Variants in EMX1 observed in about 807,000 individuals in gnomAD.
EMX1 encodes the protein homeobox protein EMX1.
A neutral mutation model predicts 20.1 loss-of-function variants in EMX1; 10 were observed. The ratio of observed to expected loss-of-function variants is 0.50; its 90% CI spans 0.31 to 0.84. EMX1 has a LOEUF of 0.84. Ranked by LOEUF, EMX1 falls within the 40% of genes least tolerant of loss-of-function variation. EMX1 has a pLI of 0.05. For missense variants in EMX1, 424 were observed against 431.9 expected (o/e 0.98, Z 0.16); for synonymous variants, 250 against 200.4 (o/e 1.25, Z -2.09).
chr2:72,923,851 T>G (rs1671144145), intron 1 of EMX1: 3 of 249,944 alleles, frequency 1.2e-5, no homozygotes, highest in African/African-American at 2.3e-5. Flanking sequence ...TGGGTCCTCT[T>G]GGAGGGAGAT....
chr2:72,917,078 TCCCGGAGAGC>T (rs1286269353), upstream of EMX1: 2 of 639,858 alleles, frequency 3.1e-6, no homozygotes, highest in South Asian at 3.6e-5. Context: ...AGTGGGAGAG[TCCCGGAGAGC>T]AGGGGGGCAG....
intron 1 of EMX1, among the ~76,000 whole-genome samples, chr2:72,919,271 C>T (rs892457498): frequency 1.3e-5 from 2 of 151,474 alleles, no homozygotes; most frequent in African/African-American, 4.9e-5. Flanking sequence ...TGTTGGAGTT[C>T]GTTTTCTTCC....
intron 1 of EMX1, among the ~76,000 whole-genome samples, chr2:72,920,879 A>G (rs541392152): frequency 2.6e-4 from 39 of 152,180 alleles, no homozygotes; most frequent in Non-Finnish European, 5.1e-4. Flanking sequence ...CGGGTCTAGG[A>G]GCAACGCCTG....
At chr2:72,924,089 T>C (rs1671149138) in intron 1 of EMX1, 1 of 615,332 alleles carries the variant, frequency 1.6e-6, no homozygotes, top group Non-Finnish European at 2.9e-6. Context: ...CCCCGCGGAG[T>C]GGCTCTCGAG....
At chr2:72,933,569 C>G (rs1671317483) in intron 2 of EMX1, 1 of 577,584 alleles carries the variant, frequency 1.7e-6, no homozygotes, top group South Asian at 2.3e-5. Context: ...ACCCTTCTCT[C>G]TGGCCCACTG....
chr2:72,919,212 C>CAT (rs1368502166), intron 1 of EMX1, among the ~76,000 whole-genome samples: 1 of 151,942 alleles, frequency 6.6e-6, no homozygotes, highest in African/African-American at 2.4e-5. Flanking sequence ...CACACACACA[C>CAT]ACACACGTTT....
At chr2:72,922,677 C>G (rs767694811) in intron 1 of EMX1, among the ~76,000 whole-genome samples, 9 of 152,236 alleles carry the variant, frequency 5.9e-5, no homozygotes, top group Non-Finnish European at 1.3e-4. Flanking sequence ...TTTAGGTAAC[C>G]AAAGCCCAGA....
chr2:72,917,857 G>T lies in EMX1; in HGVS notation c.5G>T (p.Cys2Phe). 6.8e-7 allele frequency: 1 copy of T among 1,461,928 alleles called. No individual in the cohort carries two copies. Among genetic ancestry groups the T allele is most frequent in the Non-Finnish European group, 9.0e-7 (1 of 1,113,802 alleles). The allele number at this position is 1,461,928 out of a possible 1,614,324, so 90.6% of individuals were successfully genotyped here. The change falls in exon 1 of 3, where the codon TGC becomes TTC. Residue 2 changes from cysteine (C) to phenylalanine (F), a missense_variant. Transcript: ENST00000258106. ...GAGGGGTGCGGGCGGGTGTGCATGT[G>T]CCTGGCTGGGTGCACACCCCGCAAG... M[C>F]LAGCTPRKAA...
chr2:72,933,320 T>TA (rs1671314176), intron 2 of EMX1: 1 of 154,430 alleles, frequency 6.5e-6, no homozygotes, highest in Admixed American at 6.4e-5. Context: ...TGGTGTCCAC[T>TA]TTAGGCCCTG....
intron 1 of EMX1, among the ~76,000 whole-genome samples, chr2:72,920,975 A>G (rs1205698691): frequency 6.6e-6 from 1 of 152,122 alleles, no homozygotes; most frequent in Non-Finnish European, 1.5e-5. Flanking sequence ...TGGCAGGAGG[A>G]CGGGGAATGA....
chr2:72,929,487 A>G (rs1284486093), intron 2 of EMX1, among the ~76,000 whole-genome samples: 1 of 152,226 alleles, frequency 6.6e-6, no homozygotes, highest in Non-Finnish European at 1.5e-5. Context: ...GAGTGGGAAC[A>G]GCCCACATGA....
At chr2:72,933,162 GTTGGAGT>G in intron 2 of EMX1, 2 of 152,356 alleles carry the variant, frequency 1.3e-5, no homozygotes, top group Non-Finnish European at 2.9e-5. Flanking sequence ...AGTGTGTGAG[GTTGGAGT>G]CTCTAGCAGC....
At position 72,934,180 on chromosome 2, in the gene EMX1, T is replaced by G; in HGVS notation, c.*226T>G. On this transcript the variant is annotated 3_prime_UTR_variant, in exon 3 of 3. Transcript: ENST00000258106. Reference sequence around the variant, plus strand: ...CTTCTCCTCGGAGAGCCTGCCTGCCTGGGCGGGCCCGCCCGCCACCGCAGC... The same window carrying G: ...CTTCTCCTCGGAGAGCCTGCCTGCCGGGGCGGGCCCGCCCGCCACCGCAGC... 1.4e-5 allele frequency: 8 copies of G among 571,540 alleles called. No individual in the cohort carries two copies. The highest frequency in any genetic ancestry group is 7.1e-5 in the Admixed American group (2 of 28,368). The allele number at this position is 571,540 out of a possible 1,614,324, so 35.4% of individuals were successfully genotyped here.
Position 72,918,328 on chromosome 2 carries a change from A to G in EMX1, c.476A>G (p.Tyr159Cys). 6.5e-7 allele frequency: 1 copy of G among 1,544,580 alleles called. No homozygotes were observed. The highest frequency in any genetic ancestry group is 8.6e-7 in the Non-Finnish European group (1 of 1,157,234). The change falls in exon 1 of 3, where the codon TAC becomes TGC. Residue 159 changes from tyrosine (Y) to cysteine (C), a missense_variant. Physicochemically the swap from Tyr to Cys is radical, Grantham distance 194 (BLOSUM62 -2). This residue lies in a region of EMX1 where 333 missense variants were observed against 296.6 expected (regional missense o/e 1.12). Transcript: ENST00000258106. Reference sequence around the variant, plus strand: ...CAGCACCGGGACCCTCTCCATTTCTACCCCTGGGTCCTGCGGAACCGCTTC... The same window carrying G: ...CAGCACCGGGACCCTCTCCATTTCTGCCCCTGGGTCCTGCGGAACCGCTTC... ...GAQHRDPLHF[Y>C]PWVLRNRFFG...
upstream of EMX1, chr2:72,917,030 C>T (rs1033441774): frequency 1.5e-6 from 1 of 678,924 alleles, no homozygotes; most frequent in Non-Finnish European, 2.8e-6. Context: ...AACAAGGTCG[C>T]AGCTTCAGAC....
chr2:72,920,008 G>A (rs543648229), intron 1 of EMX1, among the ~76,000 whole-genome samples: 3 of 152,192 alleles, frequency 2.0e-5, no homozygotes, highest in African/African-American at 7.2e-5. Flanking sequence ...GGGCTGGCGG[G>A]TTGGAGGCTT....
intron 2 of EMX1, among the ~76,000 whole-genome samples, chr2:72,924,848 G>A (rs1671167471): frequency 6.6e-6 from 1 of 152,246 alleles, no homozygotes; most frequent in Admixed American, 6.5e-5. Context: ...GAGGCCACTG[G>A]AGCTGGCTCC....
In EMX1 at chr2:72,918,069, G is replaced by T; in HGVS notation, c.217G>T (p.Ala73Ser). 7.1e-7 allele frequency: 1 copy of T among 1,418,356 alleles called. No individual in the cohort carries two copies. The highest frequency in any genetic ancestry group is 9.1e-7 in the Non-Finnish European group (1 of 1,095,792). The allele number at this position is 1,418,356 out of a possible 1,614,324, so 87.9% of individuals were successfully genotyped here. Reference protein sequence around the residue: ...GAGSHLLAAAASEEPLRPTAL... With the variant: ...GAGSHLLAAASSEEPLRPTAL... ...GGGCTCCCATCTCCTGGCGGCGGCC[G>T]CCTCCGAGGAACCGCTCCGGCCCAC... is the stretch of plus-strand genomic sequence containing the variant. The change falls in exon 1 of 3, where the codon GCC becomes TCC. Residue 73 changes from alanine to serine, a missense_variant. Physicochemically the swap from Ala to Ser is moderately conservative, Grantham distance 99 (BLOSUM62 1). This residue lies in a region of EMX1 where 333 missense variants were observed against 296.6 expected (regional missense o/e 1.12). Coordinates refer to ENST00000258106, the MANE Select transcript of EMX1 (RefSeq NM_004097.3).
chr2:72,924,580 C>T, intron 2 of EMX1, 87 bp downstream of exon 2: 2 of 1,418,786 alleles, frequency 1.4e-6, no homozygotes, highest in East Asian at 5.0e-5. Context: ...CCTGAGCCCG[C>T]CCCAGCCCAG....
Sources: allele counts gnomAD v4.1 joint callset (sites outside exome capture counted in the v4.1 genomes callset), GRCh38; gene constraint gnomAD v4.1.1; regional missense constraint gnomAD v4.1.1; transcripts MANE v1.5; gene names NCBI Gene and HGNC (gene_info 2026-07-23, HGNC 2026-07-21).